The following FRMD1 variants were observed in gnomAD, a reference collection of about 807,000 sequenced individuals.
The protein encoded by FRMD1 is FERM domain containing 1.
In FRMD1, 51 loss-of-function variants were observed where a neutral mutation model predicts 54.9. The ratio of observed to expected loss-of-function variants is 0.93; its 90% CI spans 0.74 to 1.17. The LOEUF is 1.17. FRMD1 is among the 50% of genes most tolerant of loss of function. The pLI, the probability that FRMD1 is intolerant of heterozygous loss-of-function variation, is 0.00. For missense variants in FRMD1, 729 were observed against 743.0 expected, an observed-to-expected ratio of 0.98 and a Z score of 0.22; for synonymous variants, 324 against 306.4, an observed-to-expected ratio of 1.06 and a Z score of -0.60.
At position 168,063,625 on chromosome 6, in the gene FRMD1, G is replaced by C. The variant is rs139110063; in HGVS notation, c.780C>G (p.Pro260=). 1.2e-6 allele frequency: 2 copies of C among 1,612,670 alleles called. No homozygotes were observed. The highest frequency in any genetic ancestry group is 1.3e-5 in the African/African-American group (1 of 74,926). Residue 260 remains proline, a synonymous_variant, in exon 6 of 11, where the codon CCC becomes CCG. Coordinates refer to ENST00000283309, the MANE Select transcript of FRMD1 (RefSeq NM_024919.6). Reference sequence around the variant, plus strand: ...CCTTGTGCAGCCTGAAGAAGTGCACGGGCACGTCCTCCAGCCGGCAGGCCT... The same window carrying C: ...CCTTGTGCAGCCTGAAGAAGTGCACCGGCACGTCCTCCAGCCGGCAGGCCT... ...IQEACRLEDV[P]VHFFRLHKDK...
upstream of FRMD1, among the ~76,000 whole-genome samples, chr6:168,080,538 C>A (rs1014678346): frequency 6.6e-6 from 1 of 152,188 alleles, no homozygotes; most frequent in African/African-American, 2.4e-5. Context: ...GTCCCTGTGC[C>A]GGGTGCCCTC....
chr6:168,061,125 G>A (rs1799708727), intron 8 of FRMD1, 68 bp from the exon 9 acceptor site: 1 of 1,474,678 alleles, frequency 6.8e-7, no homozygotes, highest in Non-Finnish European at 9.1e-7. Context: ...GCAGGAGGAA[G>A]AGCCCGGGAG....
intron 1 of FRMD1, among the ~76,000 whole-genome samples, chr6:168,077,179 A>T (rs1283969076): frequency 6.6e-6 from 1 of 151,892 alleles, no homozygotes; most frequent in Non-Finnish European, 1.5e-5. Context: ...AGATGCATGC[A>T]CATCTGATAG....
intron 2 of FRMD1, among the ~76,000 whole-genome samples, chr6:168,074,521 T>C (rs963413723): frequency 1.3e-5 from 2 of 151,202 alleles, no homozygotes; most frequent in African/African-American, 2.4e-5. Context: ...GTGTGGTGTA[T>C]GTATGTGTAC....
intron 10 of FRMD1, 162 bp from the exon 11 acceptor site, chr6:168,057,501 A>C: frequency 1.0e-6 from 1 of 975,974 alleles, no homozygotes; most frequent in Non-Finnish European, 1.5e-6. Context: ...CCCCCAGCAC[A>C]CACCTCTGCG....
chr6:168,090,297 C>T (rs189456106), intron 1 of FRMD1, among the ~76,000 whole-genome samples: 14 of 152,298 alleles, frequency 9.2e-5, no homozygotes, highest in East Asian at 7.7e-4. Context: ...AGCCCACAGA[C>T]GGCTCCCACC....
At chr6:168,076,026 T>C (rs1322233064) in intron 1 of FRMD1, among the ~76,000 whole-genome samples, 4 of 152,122 alleles carry the variant, frequency 2.6e-5, no homozygotes, top group African/African-American at 9.7e-5. Context: ...CCGGCATGGA[T>C]GGGATTGGCG....
chr6:168,057,665 AC>A, intron 10 of FRMD1: 2 of 315,688 alleles, frequency 6.3e-6, no homozygotes, highest in South Asian at 3.9e-5. Flanking sequence ...GGCCTTGAAC[AC>A]TAGCTCTGGA....
chr6:168,071,193 C>T (rs1442331929), intron 2 of FRMD1, among the ~76,000 whole-genome samples: 1 of 152,244 alleles, frequency 6.6e-6, no homozygotes, highest in Non-Finnish European at 1.5e-5. Context: ...AGCCCACTCT[C>T]TCTCTATTCC....
In FRMD1 at chr6:168,053,668, T is replaced by G. The variant is rs959558072; in HGVS notation, c.*3429A>C. On this transcript the variant is annotated 3_prime_UTR_variant, in exon 11 of 11. Transcript: ENST00000283309. Reference sequence around the variant, plus strand: ...GGCTTTTTCTGCAAGTTTTACAAACTGATAAACCTTTGTGAATGCACTCGC... The same window carrying G: ...GGCTTTTTCTGCAAGTTTTACAAACGGATAAACCTTTGTGAATGCACTCGC... The G allele has an allele frequency of 6.6e-6, 1 of 152,218 alleles. No homozygotes were observed. Among genetic ancestry groups the G allele is most frequent in the Non-Finnish European group, 1.5e-5 (1 of 68,062 alleles). The allele number at this position is 152,218 out of a possible 1,614,324, so 9.4% of individuals were successfully genotyped here. A position where few individuals can be genotyped will look rare whatever the true frequency, so the allele number is the denominator to read the frequency against.
rs1243708425 is a variant in FRMD1, at chr6:168,067,556, T to C, written c.305-110A>G. 8 of 694,022 alleles carry C rather than the reference T, an allele frequency of 1.2e-5. No individual in the cohort carries two copies. The South Asian group carries it at 1.5e-4, about 13-fold the overall frequency. 43.0% of individuals were successfully genotyped at this position (694,022 alleles called of 1,614,324 possible). On this transcript the variant is annotated intron_variant, in intron 2 of 10. Coordinates refer to ENST00000283309, the MANE Select transcript of FRMD1 (RefSeq NM_024919.6). ...AGAGAAGAGATGCACAGCTGAAAAC[T>C]GTGCGTCTGCAGCTGACGCTGCATA...
chr6:168,078,834 A>T lies in FRMD1; in HGVS notation c.213+48T>A, dbSNP rs1401345050. 3.3e-6 allele frequency: 4 copies of T among 1,213,000 alleles called. No individual in the cohort carries two copies. The African/African-American group carries it at 9.7e-5, about 29-fold the overall frequency. The allele number at this position is 1,213,000 out of a possible 1,614,324, so 75.1% of individuals were successfully genotyped here. On this transcript the variant is annotated intron_variant, in intron 1 of 10. Coordinates refer to ENST00000283309, the MANE Select transcript of FRMD1 (RefSeq NM_024919.6). Reference sequence around the variant, plus strand: ...CCCACGGCCACCCGGAGCCCTGCTCACCCCCACAGCTCTGTTTACCCCCAC... The same window carrying T: ...CCCACGGCCACCCGGAGCCCTGCTCTCCCCCACAGCTCTGTTTACCCCCAC...
intron 2 of FRMD1, chr6:168,067,658 A>C: frequency 2.0e-6 from 1 of 512,056 alleles, no homozygotes; most frequent in Non-Finnish European, 3.5e-6. Context: ...TACTAAAACA[A>C]TGTTCCAACG....
In FRMD1 at chr6:168,078,881, C is replaced by A. The variant is rs542004838; in HGVS notation, c.213+1G>T. The stretch of plus-strand genomic sequence containing the variant: ...CCACGGCCACCCAGGGCCCTGCTCA[C>A]CCCCACGGCCAGCCGCAGTTGCTCC... On this transcript the variant is annotated splice_donor_variant, in intron 1 of 10. Coordinates refer to ENST00000283309, the MANE Select transcript of FRMD1 (RefSeq NM_024919.6). LOFTEE classifies it high-confidence loss of function. 2.5e-6 allele frequency: 4 copies of A among 1,581,622 alleles called. No homozygotes were observed. The highest frequency in any genetic ancestry group is 1.3e-5 in the African/African-American group (1 of 74,424).
chr6:168,070,275 A>G (rs1033826455), intron 2 of FRMD1, among the ~76,000 whole-genome samples: 15 of 104,708 alleles, frequency 1.4e-4, no homozygotes, highest in African/African-American at 5.9e-4. Flanking sequence ...AAGGAAAGAA[A>G]GAAGGAAGGA....
chr6:168,067,298 A>G, intron 3 of FRMD1, 69 bp downstream of exon 3: 1 of 1,005,268 alleles, frequency 9.9e-7, no homozygotes, highest in East Asian at 2.4e-5. Context: ...CTCCCACCCC[A>G]CGTGTCCCCG....
At chr6:168,087,508 C>A (rs1583214567) in intron 1 of FRMD1, among the ~76,000 whole-genome samples, 1 of 152,184 alleles carries the variant, frequency 6.6e-6, no homozygotes, top group Admixed American at 6.5e-5. Context: ...GTTAAAGGGC[C>A]CTGTCAGCCG....
intron 2 of FRMD1, among the ~76,000 whole-genome samples, chr6:168,069,467 C>T (rs1276643854): frequency 1.3e-5 from 2 of 152,216 alleles, no homozygotes; most frequent in Admixed American, 1.3e-4. Context: ...CTGACTCCCC[C>T]GAATTCACTA....
At chr6:168,062,859 G>A (rs753083925) in intron 7 of FRMD1, 35 bp downstream of exon 7, 15 of 1,602,582 alleles carry the variant, frequency 9.4e-6, no homozygotes, top group African/African-American at 6.7e-5. Flanking sequence ...GGGGCAGGAC[G>A]AGGGGCTCTG....
Sources: allele counts gnomAD v4.1 joint callset (sites outside exome capture counted in the v4.1 genomes callset), GRCh38; gene constraint gnomAD v4.1.1; transcripts MANE v1.5; gene names NCBI Gene and HGNC (gene_info 2026-07-23, HGNC 2026-07-21).